ASAP2: variants seen among roughly 807,000 people sequenced by gnomAD.
ASAP2 encodes arf-GAP with SH3 domain, ANK repeat and PH domain-containing protein 2.
In ASAP2, 45 loss-of-function variants were observed where a neutral mutation model predicts 131.4. That is an observed-to-expected ratio of 0.34 (90% confidence interval 0.27 to 0.44). The LOEUF (loss-of-function observed/expected upper bound fraction) is 0.44. ASAP2 is among the 20% of genes least tolerant of loss of function. The pLI, the probability that ASAP2 is intolerant of heterozygous loss-of-function variation, is 1.00. For missense variants in ASAP2, 1,011 were observed against 1,297.0 expected (o/e 0.78, Z 3.39); for synonymous variants, 510 against 503.0 (o/e 1.01, Z -0.19).
chr2:9,388,373 C>G lies in ASAP2; in HGVS notation c.2210C>G (p.Ser737Cys), dbSNP rs1351744585. The change falls in exon 22 of 28, where the codon TCT (serine) becomes TGT (cysteine). Residue 737 changes from serine (S) to cysteine (C), a missense_variant. Physicochemically the swap from Ser to Cys is moderately radical, Grantham distance 112 (BLOSUM62 -1). This residue lies in a region of ASAP2 where 652 missense variants were observed against 698.9 expected (regional missense o/e 0.93). Transcript: ENST00000281419. ...GSNQLQSNAVSLARDAANLAK... is the reference protein window; with the variant it reads ...GSNQLQSNAVCLARDAANLAK... ...AACCAGCTTCAGTCTAACGCTGTAT[C>G]TTTGGCCAGAGATGCTGCAAACCTT... is the stretch of plus-strand genomic sequence containing the variant. 1 of 1,614,072 alleles carries G rather than the reference C, an allele frequency of 6.2e-7. No individual in the cohort carries two copies. The highest frequency in any genetic ancestry group is 8.5e-7 in the Non-Finnish European group (1 of 1,180,046).
intron 21 of ASAP2, among the ~76,000 whole-genome samples, chr2:9,387,207 CTG>C (rs1281777835): frequency 7.8e-5 from 7 of 89,172 alleles, no homozygotes; most frequent in Non-Finnish European, 1.1e-4. Context: ...GAGAGAGACT[CTG>C]TCTCAAAAAA....
At chr2:9,386,952 C>T (rs1337494500) in intron 21 of ASAP2, among the ~76,000 whole-genome samples, 1 of 152,188 alleles carries the variant, frequency 6.6e-6, no homozygotes, top group Non-Finnish European at 1.5e-5. Context: ...CGCCTGTAAT[C>T]CCAGCACTTT....
intron 1 of ASAP2, among the ~76,000 whole-genome samples, chr2:9,224,173 G>A (rs975140383): frequency 2.5e-4 from 38 of 152,262 alleles, no homozygotes; most frequent in African/African-American, 8.2e-4. Flanking sequence ...TGAGCAGTGC[G>A]AGGGAAGGGA....
chr2:9,271,666 G>A (rs1052692982), intron 1 of ASAP2: 6 of 681,634 alleles, frequency 8.8e-6, no homozygotes, highest in African/African-American at 7.3e-5. Context: ...AATGGTCTGC[G>A]GAAGACGGCG....
In ASAP2 at chr2:9,366,686, G is replaced by A. The variant is rs182312689; in HGVS notation, c.1462-1739G>A. Among the ~76,000 whole-genome samples the A allele has an allele frequency of 3.3e-5, 5 of 152,338 alleles. No individual in the cohort carries two copies. In the East Asian group the frequency reaches 9.6e-4, roughly 29 times the overall value. On this transcript the variant is annotated intron_variant, in intron 15 of 27. Transcript: ENST00000281419. ...CTGATGGCTTGAGGTCCCAGAGCCA[G>A]GACTGAGCAAGGAGGTGGAGTTGGT...
At chr2:9,242,040 G>A (rs1664006816) in intron 1 of ASAP2, among the ~76,000 whole-genome samples, 1 of 152,176 alleles carries the variant, frequency 6.6e-6, no homozygotes, top group African/African-American at 2.4e-5. Flanking sequence ...TCGAGCACTA[G>A]TTTCCTCATG....
chr2:9,306,277 G>A (rs898544249), intron 3 of ASAP2, among the ~76,000 whole-genome samples: 2 of 148,768 alleles, frequency 1.3e-5, no homozygotes, highest in African/African-American at 5.0e-5. Flanking sequence ...AGGGGATAGA[G>A]ATACCGGGTG....
At chr2:9,400,437 C>T (rs1371774275) in intron 25 of ASAP2, among the ~76,000 whole-genome samples, 7 of 126,446 alleles carry the variant, frequency 5.5e-5, no homozygotes, top group African/African-American at 2.2e-4. Flanking sequence ...CTGCCTTCCT[C>T]CTCCCTCCTC....
At chr2:9,332,297 A>G (rs942119861) in intron 7 of ASAP2, among the ~76,000 whole-genome samples, 45 of 152,202 alleles carry the variant, frequency 3.0e-4, no homozygotes, top group Admixed American at 5.9e-4. Flanking sequence ...GAGAAGGAAT[A>G]GTGTTCCTTT....
chr2:9,262,795 C>G (rs1665664491), intron 1 of ASAP2, among the ~76,000 whole-genome samples: 1 of 152,234 alleles, frequency 6.6e-6, no homozygotes, highest in African/African-American at 2.4e-5. Flanking sequence ...ACAGAAGCCC[C>G]AGCACACGGT....
chr2:9,309,395 G>A (rs6715958), intron 3 of ASAP2, among the ~76,000 whole-genome samples: 1 of 152,118 alleles, frequency 6.6e-6, no homozygotes, highest in Non-Finnish European at 1.5e-5. Context: ...GCGTACATGC[G>A]GGATGATTCC....
chr2:9,390,023 G>T (rs903397402), intron 22 of ASAP2, among the ~76,000 whole-genome samples: 15 of 152,176 alleles, frequency 9.9e-5, no homozygotes, highest in Non-Finnish European at 1.8e-4. Context: ...TGTGTGTCAC[G>T]GGAGGAAAGA....
chr2:9,346,435 CAA>C (rs879767444), intron 11 of ASAP2, among the ~76,000 whole-genome samples: 42 of 97,948 alleles, frequency 4.3e-4, no homozygotes, highest in East Asian at 5.7e-4. Context: ...GACTCCATCT[CAA>C]AAAAAAAAAA....
intron 17 of ASAP2, 73 bp downstream of exon 17, chr2:9,375,017 G>A: frequency 1.4e-6 from 2 of 1,385,588 alleles, no homozygotes; most frequent in Non-Finnish European, 1.9e-6. Flanking sequence ...CTGGGATCCA[G>A]TACTTTACTT....
intron 22 of ASAP2, 42 bp from the exon 23 acceptor site, chr2:9,391,008 GTGTGCACGTGTA>G (rs1468842321): frequency 1.9e-6 from 3 of 1,613,294 alleles, no homozygotes; most frequent in Non-Finnish European, 2.5e-6. Context: ...TTTTGTTCGT[GTGTGCACGTGTA>G]TGTGTGCGTG....
intron 19 of ASAP2, 80 bp from the exon 20 acceptor site, chr2:9,380,661 T>G: frequency 1.5e-6 from 2 of 1,337,352 alleles, no homozygotes; most frequent in Non-Finnish European, 2.2e-6. Flanking sequence ...GCCTTTCTGT[T>G]CCTTTTAAAA....
intron 2 of ASAP2, among the ~76,000 whole-genome samples, chr2:9,293,548 G>T (rs570455817): frequency 6.6e-6 from 1 of 152,168 alleles, no homozygotes; most frequent in Non-Finnish European, 1.5e-5. Context: ...TTAGGTTCCT[G>T]TTTTAAGGTT....
intron 1 of ASAP2, among the ~76,000 whole-genome samples, chr2:9,244,762 C>A (rs573951065): frequency 6.6e-6 from 1 of 152,102 alleles, no homozygotes; most frequent in Non-Finnish European, 1.5e-5. Flanking sequence ...GTAGGAAGAA[C>A]AGGAGATGGA....
At chr2:9,276,685 A>G (rs1465511148) in intron 1 of ASAP2, among the ~76,000 whole-genome samples, 1 of 151,938 alleles carries the variant, frequency 6.6e-6, no homozygotes, top group Non-Finnish European at 1.5e-5. Flanking sequence ...TTACAGGCAC[A>G]CCCACCAACA....
Sources: allele counts gnomAD v4.1 joint callset (sites outside exome capture counted in the v4.1 genomes callset), GRCh38; gene constraint gnomAD v4.1.1; regional missense constraint gnomAD v4.1.1; transcripts MANE v1.5; gene names NCBI Gene and HGNC (gene_info 2026-07-23, HGNC 2026-07-21).